PANK2: variants seen among roughly 807,000 people sequenced by gnomAD.
The protein encoded by PANK2 is pantothenate kinase 2.
Under a neutral mutation model 43.1 loss-of-function variants are expected in PANK2, and 36 were observed. The observed-to-expected ratio is 0.84, with a 90% CI of 0.64 to 1.10. PANK2 has a LOEUF of 1.10. PANK2 is among the 50% of genes least tolerant of loss of function. PANK2 has a pLI of 0.00. For missense variants in PANK2, 576 were observed against 593.3 expected (o/e 0.97, Z 0.30); for synonymous variants, 281 against 238.2 (o/e 1.18, Z -1.66).
intron 4 of PANK2, among the ~76,000 whole-genome samples, chr20:3,914,129 G>A (rs2090522465): frequency 6.6e-6 from 1 of 151,942 alleles, no homozygotes; most frequent in Non-Finnish European, 1.5e-5. Flanking sequence ...ATACCTGAGA[G>A]TAGAATTGCT....
At chr20:3,911,622 C>A (rs2090469993) in intron 3 of PANK2, among the ~76,000 whole-genome samples, 1 of 146,482 alleles carries the variant, frequency 6.8e-6, no homozygotes, top group Admixed American at 6.8e-5. Context: ...CCAGGCACGG[C>A]AGCTTATGCC....
intron 1 of PANK2, among the ~76,000 whole-genome samples, chr20:3,903,003 AC>A (rs2090327143): frequency 7.3e-6 from 1 of 136,714 alleles, no homozygotes; most frequent in Non-Finnish European, 1.7e-5. Flanking sequence ...ACACACACAC[AC>A]ACACACACAC....
rs2090708830 is a variant in PANK2, at chr20:3,925,606, C to G, written c.*2312C>G. ...TCTGGCATTCATTTCACAGCCTCAT[C>G]TCAGTTCTCACTCAGCAGAGCCCTC... is the stretch of plus-strand genomic sequence containing the variant. On this transcript the variant is annotated 3_prime_UTR_variant, in exon 7 of 7. Transcript: ENST00000610179. The G allele has an allele frequency of 6.6e-6, 1 of 152,276 alleles. No individual in the cohort carries two copies. The highest frequency in any genetic ancestry group is 2.1e-4 in the South Asian group (1 of 4,836). 9.4% of individuals were successfully genotyped at this position (152,276 alleles called of 1,614,324 possible). A position where few individuals can be genotyped will look rare whatever the true frequency, so the allele number is the denominator to read the frequency against.
Position 3,918,717 on chromosome 20 carries a change from C to A in PANK2, c.1253C>A (p.Thr418Lys). Residue 418 changes from threonine (T) to lysine (K), a missense_variant, in exon 6 of 7, where the codon ACG becomes AAG. By Grantham distance (78) the Thr-to-Lys change is moderately conservative. Coordinates refer to ENST00000610179, the MANE Select transcript of PANK2 (RefSeq NM_001386393.1). Reference sequence around the variant, plus strand: ...GTTGGAAATTTCTTGAGAATTAATACGATCGCCATGCGGCTTTTGGCATAT... The same window carrying A: ...GTTGGAAATTTCTTGAGAATTAATAAGATCGCCATGCGGCTTTTGGCATAT... The A allele has an allele frequency of 6.2e-7, 1 of 1,614,192 alleles. No individual in the cohort carries two copies. Among genetic ancestry groups the A allele is most frequent in the South Asian group, 1.1e-5 (1 of 91,090 alleles).
At chr20:3,923,113 C>T (rs1037140644) in intron 6 of PANK2, 131 bp from the exon 7 acceptor site, 7 of 1,081,588 alleles carry the variant, frequency 6.5e-6, no homozygotes, top group South Asian at 1.3e-5. Flanking sequence ...GGCCTTGGCC[C>T]TTCTGGGGTG....
chr20:3,918,645 T>C, intron 5 of PANK2, 26 bp from the exon 6 acceptor site: 1 of 1,614,104 alleles, frequency 6.2e-7, no homozygotes, highest in Non-Finnish European at 8.5e-7. Flanking sequence ...AGATGAAAAC[T>C]AATTGCCTTT....
At chr20:3,899,262 C>T (rs1388730046) in intron 1 of PANK2, among the ~76,000 whole-genome samples, 2 of 151,232 alleles carry the variant, frequency 1.3e-5, no homozygotes, top group African/African-American at 4.9e-5. Context: ...ACCTCCACCT[C>T]CTGGGTTCAA....
intron 1 of PANK2, among the ~76,000 whole-genome samples, chr20:3,900,238 T>G (rs1160693959): frequency 6.6e-6 from 1 of 151,928 alleles, no homozygotes; most frequent in African/African-American, 2.4e-5. Context: ...TTTCCGTCAG[T>G]AACTATATGA....
chr20:3,899,168 C>G (rs1475607), intron 1 of PANK2, among the ~76,000 whole-genome samples: 17,440 of 149,814 alleles, frequency 0.12, 1,393 homozygotes, highest in Non-Finnish European at 0.17. Context: ...GCCACCGTGC[C>G]CAGCCGGGTT....
At chr20:3,923,200 A>G (rs530353894) in intron 6 of PANK2, 44 bp from the exon 7 acceptor site, 1 of 1,604,084 alleles carries the variant, frequency 6.2e-7, no homozygotes, top group Non-Finnish European at 8.5e-7. Context: ...GATTTGAATA[A>G]GTCTAAGGAA....
At chr20:3,918,607 G>T (rs2090599449) in intron 5 of PANK2, 64 bp from the exon 6 acceptor site, 1 of 1,605,038 alleles carries the variant, frequency 6.2e-7, no homozygotes, top group East Asian at 2.2e-5. Context: ...CTGTATTTGG[G>T]GTAGCTTTTA....
At position 3,925,191 on chromosome 20, in the gene PANK2, T is replaced by G. The variant is rs762787591; in HGVS notation, c.*1897T>G. ...GGCCCTCCCCCTACTCTAGAGAAAC[T>G]AGTCCATTCCCTCATGTTCCACCTT... On this transcript the variant is annotated 3_prime_UTR_variant, in exon 7 of 7. Transcript: ENST00000610179. 6 of 152,420 alleles carry G rather than the reference T, an allele frequency of 3.9e-5. No individual in the cohort carries two copies. Among genetic ancestry groups the G allele is most frequent in the Non-Finnish European group, 8.8e-5 (6 of 68,186 alleles). The allele number at this position is 152,420 out of a possible 1,614,324, so 9.4% of individuals were successfully genotyped here.
intron 2 of PANK2, 139 bp downstream of exon 2, chr20:3,908,417 T>C: frequency 1.2e-6 from 1 of 860,244 alleles, no homozygotes; most frequent in Non-Finnish European, 1.8e-6. Flanking sequence ...GGTACGCTAG[T>C]GATAGGAGTT....
At chr20:3,909,996 A>C (rs2090443002) in intron 2 of PANK2, among the ~76,000 whole-genome samples, 1 of 152,230 alleles carries the variant, frequency 6.6e-6, no homozygotes, top group Admixed American at 6.5e-5. Context: ...AAACAGTTCA[A>C]ATTTTGACTG....
intron 1 of PANK2, among the ~76,000 whole-genome samples, chr20:3,907,557 C>T (rs2090406435): frequency 6.6e-6 from 1 of 152,052 alleles, no homozygotes; most frequent in Non-Finnish European, 1.5e-5. Context: ...TCTGAAGTCT[C>T]AATGTTTTTT....
At chr20:3,907,126 C>CA in intron 1 of PANK2, among the ~76,000 whole-genome samples, 1 of 74,436 alleles carries the variant, frequency 1.3e-5, no homozygotes, top group East Asian at 4.8e-4. Flanking sequence ...TTTTTTGAGA[C>CA]AGAGCCTCAC....
Position 3,889,530 on chromosome 20 carries a change from G to T in PANK2, c.100G>T (p.Val34Phe), listed in dbSNP as rs547164263. Residue 34 changes from valine to phenylalanine, a missense_variant, in exon 1 of 7, where the codon GTC becomes TTC. By Grantham distance (50) the Val-to-Phe change is conservative. Around this residue, in one of 2 missense-constraint regions of PANK2, gnomAD observed 544 missense variants for 528.9 expected, o/e 1.03. Coordinates refer to ENST00000610179, the MANE Select transcript of PANK2 (RefSeq NM_001386393.1). Reference sequence around the variant, plus strand: ...CCACGGCAGGGCTTCCGCCACCTCCGTCTCGTCGGCTGGGGAGCAGGCGGC... The same window carrying T: ...CCACGGCAGGGCTTCCGCCACCTCCTTCTCGTCGGCTGGGGAGCAGGCGGC... 2.1e-6 allele frequency: 3 copies of T among 1,425,604 alleles called. No homozygotes were observed. The highest frequency in any genetic ancestry group is 1.5e-5 in the African/African-American group (1 of 66,332). 88.3% of individuals were successfully genotyped at this position (1,425,604 alleles called of 1,614,324 possible).
intron 3 of PANK2, among the ~76,000 whole-genome samples, chr20:3,911,175 T>G (rs879654630): frequency 1.2e-4 from 19 of 152,258 alleles, no homozygotes; most frequent in Non-Finnish European, 2.1e-4. Flanking sequence ...GAAACCTGTG[T>G]AAATTTCATG....
chr20:3,889,705 A>G lies in PANK2; in HGVS notation c.275A>G (p.Glu92Gly), dbSNP rs775816922. ...ACCTCGGTCTCCCGCCAGCGCGTCG[A>G]AAGCCTGAGGAAAAAGCGGCCGCGT... Residue 92 changes from glutamate (E) to glycine (G), a missense_variant, in exon 1 of 7, where the codon GAA becomes GGA. Around this residue, in one of 2 missense-constraint regions of PANK2, gnomAD observed 544 missense variants for 528.9 expected, o/e 1.03. Transcript: ENST00000610179. 1.9e-6 allele frequency: 3 copies of G among 1,596,400 alleles called. No homozygotes were observed. The highest frequency in any genetic ancestry group is 1.7e-5 in the Admixed American group (1 of 59,918).
Sources: gnomAD v4.1 joint callset for allele counts (sites outside exome capture counted in the v4.1 genomes callset) on GRCh38, gnomAD v4.1.1 for gene constraint, gnomAD v4.1.1 regional missense constraint, MANE v1.5 for transcripts, NCBI Gene and HGNC (gene_info 2026-07-23, HGNC 2026-07-21) for gene names.